MAP7: variants seen among roughly 807,000 people sequenced by gnomAD.
MAP7 encodes the protein ensconsin.
MAP7 carries 52 observed loss-of-function variants against 94.8 expected under a neutral mutation model. That is an observed-to-expected ratio of 0.55 (90% CI 0.44 to 0.69). The LOEUF (loss-of-function observed/expected upper bound fraction) is 0.69, where lower values mean the gene tolerates loss of function less well. Among genes scored for constraint, MAP7 ranks in the 30% least tolerant of loss-of-function variants. The probability of loss-of-function intolerance (pLI) is 0.00; values close to 1 mark genes in which losing one functional copy is unlikely to be tolerated. For missense variants in MAP7, 940 were observed against 964.6 expected (o/e 0.97, Z 0.34); for synonymous variants, 350 against 357.0 (o/e 0.98, Z 0.22).
intron 1 of MAP7, among the ~76,000 whole-genome samples, chr6:136,423,383 C>T (rs1236090199): frequency 6.6e-6 from 1 of 152,150 alleles, no homozygotes; most frequent in African/African-American, 2.4e-5. Flanking sequence ...CAGCAAGGCA[C>T]GATAAATGGT....
chr6:136,366,096 G>A, intron 9 of MAP7, 78 bp from the exon 10 acceptor site: 1 of 1,414,856 alleles, frequency 7.1e-7, no homozygotes, highest in Non-Finnish European at 9.5e-7. Context: ...ACGACTCGAT[G>A]GAAGAGAATG....
At chr6:136,470,403 A>G (rs566624021) in intron 1 of MAP7, among the ~76,000 whole-genome samples, 2 of 152,238 alleles carry the variant, frequency 1.3e-5, no homozygotes, top group East Asian at 3.9e-4. Flanking sequence ...CTACATACAC[A>G]CTGTGAAATG....
At chr6:136,468,366 C>A (rs1359865613) in intron 1 of MAP7, among the ~76,000 whole-genome samples, 1 of 152,056 alleles carries the variant, frequency 6.6e-6, no homozygotes, top group Non-Finnish European at 1.5e-5. Flanking sequence ...TATTATGACG[C>A]CAGTTTTACA....
chr6:136,528,307 C>T (rs1243245117), intron 1 of MAP7, among the ~76,000 whole-genome samples: 4 of 152,102 alleles, frequency 2.6e-5, no homozygotes, highest in South Asian at 2.1e-4. Context: ...AAATTGTAAA[C>T]GTAACATACT....
chr6:136,405,572 G>A (rs1019432602), intron 3 of MAP7, among the ~76,000 whole-genome samples: 2 of 152,254 alleles, frequency 1.3e-5, no homozygotes. Context: ...CTGAGCCATG[G>A]TAAGGGTTCT....
chr6:136,542,547 AGCC>A (rs1829409075), intron 1 of MAP7, among the ~76,000 whole-genome samples: 4 of 152,212 alleles, frequency 2.6e-5, no homozygotes, highest in African/African-American at 9.6e-5. Flanking sequence ...AGTTCTAGAA[AGCC>A]ATATCTCAAG....
chr6:136,519,773 A>T (rs145009551), intron 1 of MAP7, among the ~76,000 whole-genome samples: 4 of 152,352 alleles, frequency 2.6e-5, no homozygotes, highest in Admixed American at 2.6e-4. Context: ...TTACAATTTA[A>T]TCTATGATTA....
chr6:136,411,607 G>A lies in MAP7; in HGVS notation c.244+13C>T, dbSNP rs1321605873. 1 of 1,555,218 alleles carries A rather than the reference G, an allele frequency of 6.4e-7. No individual in the cohort carries two copies. Among genetic ancestry groups the A allele is most frequent in the Admixed American group, 1.9e-5 (1 of 51,802 alleles). On this transcript the variant is annotated intron_variant, in intron 3 of 17. Coordinates refer to ENST00000354570, the MANE Select transcript of MAP7 (RefSeq NM_003980.6). The stretch of plus-strand genomic sequence containing the variant: ...CATTCAAATCAGGGCCATGGACACG[G>A]GGCCTGGGGTACCTAGCTGTTTCTC...
chr6:136,503,769 G>A (rs1417747224), intron 1 of MAP7, among the ~76,000 whole-genome samples: 1 of 152,140 alleles, frequency 6.6e-6, no homozygotes, highest in Non-Finnish European at 1.5e-5. Context: ...GTGAATATGG[G>A]GAAATAGGGA....
At position 136,428,352 on chromosome 6, in the gene MAP7, C is replaced by G. The variant is rs1432684696; in HGVS notation, c.68-6553G>C. Among the ~76,000 whole-genome samples, 3 of 152,200 alleles carry G rather than the reference C, an allele frequency of 2.0e-5. No individual in the cohort carries two copies. In the South Asian group the frequency reaches 6.2e-4, roughly 32 times the overall value. ...TCAACATGGTGAAACCTCGTCCCTACTAAGCATACAAAAATTAGCCAGGCG... is the reference window on the plus strand; with the variant it reads ...TCAACATGGTGAAACCTCGTCCCTAGTAAGCATACAAAAATTAGCCAGGCG... On this transcript the variant is annotated intron_variant, in intron 1 of 17. Transcript: ENST00000354570.
At chr6:136,526,090 TC>T in intron 1 of MAP7, 1 of 1,422,710 alleles carries the variant, frequency 7.0e-7, no homozygotes, top group Non-Finnish European at 9.1e-7. Context: ...TTGTAATAGA[TC>T]CCCTATGGGT....
intron 8 of MAP7, among the ~76,000 whole-genome samples, chr6:136,369,118 A>C (rs1403330103): frequency 6.6e-6 from 1 of 152,232 alleles, no homozygotes; most frequent in Non-Finnish European, 1.5e-5. Flanking sequence ...TAATCCATAT[A>C]ACTGGAAATG....
At chr6:136,404,197 T>C (rs1465539256) in intron 3 of MAP7, among the ~76,000 whole-genome samples, 1 of 152,234 alleles carries the variant, frequency 6.6e-6, no homozygotes, top group Non-Finnish European at 1.5e-5. Flanking sequence ...ATTTACTAAT[T>C]ATTACTAACT....
At chr6:136,544,087 A>G (rs924517734) in intron 1 of MAP7, among the ~76,000 whole-genome samples, 5 of 151,844 alleles carry the variant, frequency 3.3e-5, no homozygotes, top group Admixed American at 6.6e-5. Flanking sequence ...ACACCTGGCT[A>G]ATTTTTGTAT....
chr6:136,397,239 A>C (rs985778002), intron 3 of MAP7, among the ~76,000 whole-genome samples: 18 of 152,212 alleles, frequency 1.2e-4, no homozygotes, highest in Non-Finnish European at 5.9e-5. Flanking sequence ...TAAAAATAAA[A>C]AGTTAATTTA....
At chr6:136,504,339 G>A (rs1011285000) in intron 1 of MAP7, among the ~76,000 whole-genome samples, 5 of 151,622 alleles carry the variant, frequency 3.3e-5, no homozygotes, top group South Asian at 2.1e-4. Flanking sequence ...TAAATACATC[G>A]TTTTTTGTTT....
intron 2 of MAP7, among the ~76,000 whole-genome samples, chr6:136,415,062 C>T (rs1320804175): frequency 6.6e-6 from 1 of 152,094 alleles, no homozygotes. Context: ...CCATCAGCCT[C>T]CCAAAGTGCT....
chr6:136,421,036 C>T (rs1791181066), intron 2 of MAP7, among the ~76,000 whole-genome samples: 1 of 152,130 alleles, frequency 6.6e-6, no homozygotes, highest in Admixed American at 6.5e-5. Context: ...ACATTCATTC[C>T]TCCCACAGGC....
intron 6 of MAP7, among the ~76,000 whole-genome samples, chr6:136,378,866 A>G (rs1256646610): frequency 6.6e-6 from 1 of 152,192 alleles, no homozygotes; most frequent in Non-Finnish European, 1.5e-5. Flanking sequence ...TTTGTTTTAG[A>G]ACACATTCCT....
Sources: allele counts gnomAD v4.1 joint callset (sites outside exome capture counted in the v4.1 genomes callset), GRCh38; gene constraint gnomAD v4.1.1; transcripts MANE v1.5; gene names NCBI Gene and HGNC (gene_info 2026-07-23, HGNC 2026-07-21).